The following ZBTB7C variants were observed in gnomAD, a reference collection of about 807,000 sequenced individuals.
ZBTB7C encodes the protein zinc finger and BTB domain containing 7C.
ZBTB7C carries 8 observed loss-of-function variants against 25.7 expected under a neutral mutation model. The ratio of observed to expected loss-of-function variants is 0.31; its 90% CI spans 0.18 to 0.56. The LOEUF (loss-of-function observed/expected upper bound fraction) is 0.56, where lower values mean the gene tolerates loss of function less well. ZBTB7C is among the 20% of genes least tolerant of loss of function. ZBTB7C has a pLI of 0.91. For synonymous variants in ZBTB7C, 394 were observed against 369.0 expected (o/e 1.07, Z -0.78); for missense variants, 824 against 855.2 (o/e 0.96, Z 0.46).
chr18:48,126,773 T>C (rs1439319705), intron 3 of ZBTB7C, among the ~76,000 whole-genome samples: 1 of 151,798 alleles, frequency 6.6e-6, no homozygotes, highest in Non-Finnish European at 1.5e-5. Context: ...CCTCTTGGAG[T>C]CCCTTGTAAG....
At chr18:48,139,125 G>T (rs1324662828) in intron 3 of ZBTB7C, among the ~76,000 whole-genome samples, 1 of 152,156 alleles carries the variant, frequency 6.6e-6, no homozygotes, top group African/African-American at 2.4e-5. Context: ...GGCTGGGCAG[G>T]CCTGGAAGAT....
At chr18:48,158,260 TG>T (rs1214458912) in intron 3 of ZBTB7C, among the ~76,000 whole-genome samples, 3 of 152,240 alleles carry the variant, frequency 2.0e-5, no homozygotes, top group African/African-American at 7.2e-5. Flanking sequence ...ACAGGTGATT[TG>T]CTTTTGGGCA....
At chr18:48,092,050 C>G (rs1035671346) in intron 3 of ZBTB7C, among the ~76,000 whole-genome samples, 1 of 152,194 alleles carries the variant, frequency 6.6e-6, no homozygotes, top group Non-Finnish European at 1.5e-5. Context: ...CTATGTCAAT[C>G]ATAGAATCAT....
intron 3 of ZBTB7C, among the ~76,000 whole-genome samples, chr18:48,086,560 G>A (rs529992267): frequency 1.2e-4 from 18 of 152,278 alleles, no homozygotes; most frequent in Admixed American, 2.0e-4. Context: ...ATCCCCTCCA[G>A]AGTCCTGTCT....
upstream of ZBTB7C, among the ~76,000 whole-genome samples, chr18:48,412,199 G>A (rs942312195): frequency 6.6e-6 from 1 of 152,210 alleles, no homozygotes; most frequent in Admixed American, 6.5e-5. Flanking sequence ...GCACTGTAGA[G>A]CACATTGTAA....
At chr18:48,410,348 G>A (rs967412173), upstream of ZBTB7C, among the ~76,000 whole-genome samples, 1 of 152,160 alleles carries the variant, frequency 6.6e-6, no homozygotes, top group South Asian at 2.1e-4. Flanking sequence ...GGGAGCAGCC[G>A]CTGGCCGCCC....
chr18:48,374,786 G>C (rs912585691), intron 1 of ZBTB7C, among the ~76,000 whole-genome samples: 1 of 152,236 alleles, frequency 6.6e-6, no homozygotes. Flanking sequence ...CATCTGGTCA[G>C]TGGTGATGGT....
chr18:48,316,375 C>G (rs1258569207), intron 2 of ZBTB7C, among the ~76,000 whole-genome samples: 2 of 152,228 alleles, frequency 1.3e-5, no homozygotes, highest in Non-Finnish European at 1.5e-5. Flanking sequence ...CAGCCCCTAG[C>G]CTGAGCAGGC....
chr18:48,386,520 G>A lies in ZBTB7C; in HGVS notation c.-304+22706C>T, dbSNP rs181333157. On this transcript the variant is annotated intron_variant, in intron 1 of 4. Transcript: ENST00000590800. ...GCTGAAGAGACTGGGTTTACCCACA[G>A]CGACCATATTTTTCAAACCACACAT... 1.1e-3 allele frequency among the ~76,000 whole-genome samples: 161 copies of A among 152,298 alleles called. 1 individual carries two copies. Among genetic ancestry groups the A allele is most frequent in the African/African-American group, 3.8e-3 (158 of 41,568 alleles).
At chr18:48,234,302 C>A (rs920448439) in intron 2 of ZBTB7C, among the ~76,000 whole-genome samples, 2 of 151,968 alleles carry the variant, frequency 1.3e-5, no homozygotes, top group African/African-American at 4.8e-5. Context: ...TATTTTACAG[C>A]CACCTAAATA....
rs1237938980 is a variant in ZBTB7C, at chr18:48,181,240, GC to G, written c.-17+4693del. Among the ~76,000 whole-genome samples the G allele has an allele frequency of 4.6e-5, 7 of 152,252 alleles. No homozygotes were observed. The East Asian group carries it at 1.4e-3, about 29-fold the overall frequency. The stretch of plus-strand genomic sequence containing the variant: ...GGACTGGACTGGACTCTGAGCTAAT[GC>G]TGTTCATATGAATGACACTCTATCC... On this transcript the variant is annotated intron_variant, in intron 3 of 4. Transcript: ENST00000590800.
intron 3 of ZBTB7C, among the ~76,000 whole-genome samples, chr18:48,158,837 C>T (rs79556835): frequency 0.018 from 2,682 of 152,232 alleles, 74 homozygotes; most frequent in African/African-American, 0.062. Flanking sequence ...TTGAAGGCAC[C>T]TGGTTTTACT....
intron 1 of ZBTB7C, among the ~76,000 whole-genome samples, chr18:48,384,259 T>C (rs1211647466): frequency 6.6e-6 from 1 of 152,208 alleles, no homozygotes; most frequent in Non-Finnish European, 1.5e-5. Flanking sequence ...ACTTTGTCCA[T>C]TGTCTCAGTC....
chr18:48,325,254 G>C (rs1291368149), intron 2 of ZBTB7C, among the ~76,000 whole-genome samples: 1 of 152,194 alleles, frequency 6.6e-6, no homozygotes, highest in East Asian at 1.9e-4. Flanking sequence ...ATGCCTTGGA[G>C]GGGAAGAGCC....
intron 3 of ZBTB7C, among the ~76,000 whole-genome samples, chr18:48,113,345 G>A (rs528106380): frequency 1.3e-5 from 2 of 152,272 alleles, no homozygotes; most frequent in South Asian, 4.1e-4. Flanking sequence ...CCCATCACAA[G>A]GAAAAACCAT....
chr18:48,150,002 C>T (rs1598975233), intron 3 of ZBTB7C: 1 of 152,040 alleles, frequency 6.6e-6, no homozygotes, highest in Non-Finnish European at 1.5e-5. Context: ...CGGGGTTTCA[C>T]CATGTTGGTC....
chr18:48,137,191 C>T (rs1156489833), intron 3 of ZBTB7C: 1 of 985,424 alleles, frequency 1.0e-6, no homozygotes, highest in Non-Finnish European at 1.2e-6. Context: ...AGCACTCCCT[C>T]CCCACCCTCC....
chr18:48,289,732 C>A (rs987783334), intron 2 of ZBTB7C, among the ~76,000 whole-genome samples: 3 of 152,056 alleles, frequency 2.0e-5, no homozygotes, highest in Non-Finnish European at 4.4e-5. Context: ...TACAACCACA[C>A]ACAGACATGG....
Position 48,315,453 on chromosome 18 carries a change from C to G in ZBTB7C, c.-79+22721G>C, listed in dbSNP as rs139932638. ...TGATGTCCAAGGTAGTCAGTTTCTC[C>G]TCCCACTCCCTGCAACCCCTGCCTG... On this transcript the variant is annotated intron_variant, in intron 2 of 4. Transcript: ENST00000590800. Among the ~76,000 whole-genome samples the G allele has an allele frequency of 2.0e-3, 308 of 152,260 alleles. 2 individuals are homozygous for G. Among genetic ancestry groups the G allele is most frequent in the Middle Eastern group, 6.8e-3 (2 of 294 alleles).
Sources: gnomAD v4.1 joint callset for allele counts (sites outside exome capture counted in the v4.1 genomes callset) on GRCh38, gnomAD v4.1.1 for gene constraint, MANE v1.5 for transcripts, NCBI Gene and HGNC (gene_info 2026-07-23, HGNC 2026-07-21) for gene names.